SEMA3D: variants seen among roughly 807,000 people sequenced by gnomAD.
SEMA3D encodes the protein semaphorin 3D.
SEMA3D carries 84 observed loss-of-function variants against 100.1 expected under a neutral mutation model. The observed-to-expected ratio is 0.84, with a 90% confidence interval of 0.70 to 1.01. The LOEUF (loss-of-function observed/expected upper bound fraction) is 1.01. Ranked by LOEUF, SEMA3D falls within the 50% of genes least tolerant of loss-of-function variation. The probability of loss-of-function intolerance (pLI) is 0.00; values close to 1 mark genes in which losing one functional copy is unlikely to be tolerated. For synonymous variants in SEMA3D, 312 were observed against 320.7 expected (o/e 0.97, Z 0.29); for missense variants, 875 against 934.1 (o/e 0.94, Z 0.82).
chr7:85,141,405 A>G (rs963401316), intron 2 of SEMA3D: 2 of 984,212 alleles, frequency 2.0e-6, no homozygotes, highest in African/African-American at 3.5e-5. Context: ...AAAATTAATC[A>G]TTGTACTATT....
chr7:85,100,153 T>G (rs1562818148), intron 3 of SEMA3D, among the ~76,000 whole-genome samples: 1 of 151,954 alleles, frequency 6.6e-6, no homozygotes, highest in Non-Finnish European at 1.5e-5. Flanking sequence ...TATCAAAAAT[T>G]TAATGCTAGA....
intron 13 of SEMA3D, 92 bp from the exon 14 acceptor site, chr7:85,020,413 CTTCTCTT>C: frequency 1.2e-6 from 1 of 824,530 alleles, no homozygotes; most frequent in South Asian, 1.5e-5. Context: ...ATTCCCCTCA[CTTCTCTT>C]TAAATGCCTT....
chr7:85,032,590 C>T (rs1397766033), intron 12 of SEMA3D, among the ~76,000 whole-genome samples: 3 of 151,998 alleles, frequency 2.0e-5, no homozygotes, highest in African/African-American at 7.2e-5. Context: ...TGTCACTATA[C>T]TAACACAAAA....
At chr7:85,198,319 C>G in the SEMA3D span, among the ~76,000 whole-genome samples, 4 of 152,154 alleles carry the variant, frequency 2.6e-5, no homozygotes, top group South Asian at 8.3e-4. Context: ...TATTGTCTCA[C>G]TAAATATTGT....
chr7:85,100,509 C>T (rs1788713075), intron 3 of SEMA3D, among the ~76,000 whole-genome samples: 1 of 151,646 alleles, frequency 6.6e-6, no homozygotes, highest in African/African-American at 2.4e-5. Context: ...TATTAAAGCC[C>T]ATTATATGCT....
chr7:85,231,527 T>G, the SEMA3D span, among the ~76,000 whole-genome samples: 1 of 142,542 alleles, frequency 7.0e-6, no homozygotes, highest in Non-Finnish European at 1.5e-5. Flanking sequence ...CTCGGCTCAC[T>G]GCAAGCTCCG....
At chr7:85,132,827 C>G (rs934115591) in intron 2 of SEMA3D, among the ~76,000 whole-genome samples, 1 of 151,770 alleles carries the variant, frequency 6.6e-6, no homozygotes, top group Non-Finnish European at 1.5e-5. Flanking sequence ...ATTTGATGTA[C>G]TGGACATGCA....
chr7:85,066,913 C>CACATACACACACAGAGAGAGAGAGAGAG, intron 7 of SEMA3D, among the ~76,000 whole-genome samples: 4 of 127,820 alleles, frequency 3.1e-5, no homozygotes, highest in East Asian at 4.7e-4. Context: ...CACACACACA[C>CACATACACACACAGAGAGAGAGAGAGAG]AGAGAGAGAG....
chr7:85,110,067 C>G (rs147947508), intron 3 of SEMA3D, among the ~76,000 whole-genome samples: 1 of 151,950 alleles, frequency 6.6e-6, no homozygotes, highest in Non-Finnish European at 1.5e-5. Context: ...CTCTCTTTTA[C>G]CCTGCTAGGA....
the SEMA3D span, among the ~76,000 whole-genome samples, chr7:85,219,035 C>A: frequency 3.3e-5 from 5 of 152,220 alleles, no homozygotes; most frequent in East Asian, 9.7e-4. Context: ...TGTTTCTTAA[C>A]CATGATTAGT....
the SEMA3D span, among the ~76,000 whole-genome samples, chr7:85,227,704 G>GA: frequency 6.6e-6 from 1 of 152,034 alleles, no homozygotes; most frequent in East Asian, 1.9e-4. Flanking sequence ...CAGGTCTGCA[G>GA]AAAAAATTAC....
At chr7:85,089,839 C>T (rs922724194) in intron 4 of SEMA3D, among the ~76,000 whole-genome samples, 5 of 152,046 alleles carry the variant, frequency 3.3e-5, no homozygotes, top group South Asian at 2.1e-4. Context: ...TGCAGTAAGC[C>T]GAGATCACAT....
chr7:85,198,970 A>G, the SEMA3D span, among the ~76,000 whole-genome samples: 5,269 of 151,792 alleles, frequency 0.035, 543 homozygotes, highest in East Asian at 0.3. Flanking sequence ...CTTTATACCA[A>G]TAGTGTCTCA....
chr7:85,250,239 T>G, the SEMA3D span, among the ~76,000 whole-genome samples: 5 of 135,186 alleles, frequency 3.7e-5, no homozygotes, highest in African/African-American at 1.1e-4. Context: ...TCTTGCTGAT[T>G]GCCAGCACAG....
chr7:85,216,009 T>G, the SEMA3D span, among the ~76,000 whole-genome samples: 1 of 152,158 alleles, frequency 6.6e-6, no homozygotes, highest in African/African-American at 2.4e-5. Context: ...ATTGGTTCTT[T>G]GAGTTATGCA....
the SEMA3D span, among the ~76,000 whole-genome samples, chr7:85,199,829 C>T: frequency 6.6e-6 from 1 of 152,048 alleles, no homozygotes; most frequent in Non-Finnish European, 1.5e-5. Flanking sequence ...TTGGCTGTGT[C>T]CCCACAATTC....
Position 85,040,722 on chromosome 7 carries a change from TG to T in SEMA3D, c.996del (p.Thr333GlnfsTer8). 1 of 1,445,612 alleles carries T rather than the reference TG, an allele frequency of 6.9e-7. No homozygotes were observed. Among genetic ancestry groups the T allele is most frequent in the Non-Finnish European group, 9.7e-7 (1 of 1,029,348 alleles). The allele number at this position is 1,445,612 out of a possible 1,614,324, so 89.5% of individuals were successfully genotyped here. A position where few individuals can be genotyped will look rare whatever the true frequency, so the allele number is the denominator to read the frequency against. On this transcript the variant is annotated frameshift_variant, in exon 11 of 19. Coordinates refer to ENST00000284136, the MANE Select transcript of SEMA3D (RefSeq NM_001384900.1). LOFTEE classifies it high-confidence loss of function. ...FDELQDIYLL[P>X]TRDERNPVVY... is the part of the protein sequence containing the mutation. ...ACTACAGGATTTCTTTCATCTCTTGTGGGGAGTAAATAAATATCTTCTATTA... is the reference window on the plus strand; with the variant it reads ...ACTACAGGATTTCTTTCATCTCTTGTGGGAGTAAATAAATATCTTCTATTA...
intron 18 of SEMA3D, 72 bp from the exon 19 acceptor site, chr7:84,999,937 A>G: frequency 3.3e-6 from 4 of 1,221,724 alleles, no homozygotes; most frequent in Non-Finnish European, 4.6e-6. Context: ...AACAGGCTAC[A>G]TAGTTTTACT....
At chr7:85,244,309 G>A in the SEMA3D span, among the ~76,000 whole-genome samples, 1 of 152,118 alleles carries the variant, frequency 6.6e-6, no homozygotes, top group Non-Finnish European at 1.5e-5. Context: ...TCACTCCTGA[G>A]AAGTGGCATT....
Sources: gnomAD v4.1 joint callset for allele counts (sites outside exome capture counted in the v4.1 genomes callset) on GRCh38, gnomAD v4.1.1 for gene constraint, MANE v1.5 for transcripts, NCBI Gene and HGNC (gene_info 2026-07-23, HGNC 2026-07-21) for gene names.